Variants in LTA4H observed in about 807,000 individuals in gnomAD.
LTA4H encodes the protein leukotriene A-4 hydrolase.
A neutral mutation model predicts 89.8 loss-of-function variants in LTA4H; 59 were observed. That is an observed-to-expected ratio of 0.66 (90% CI 0.53 to 0.82). The LOEUF (loss-of-function observed/expected upper bound fraction) is 0.82, where lower values mean the gene tolerates loss of function less well. Among genes scored for constraint, LTA4H ranks in the 40% least tolerant of loss-of-function variants. The pLI, the probability that LTA4H is intolerant of heterozygous loss-of-function variation, is 0.00. For missense variants in LTA4H, 617 were observed against 727.0 expected (o/e 0.85, Z 1.74); for synonymous variants, 227 against 253.1 (o/e 0.90, Z 0.98).
exon 1 of LTA4H, chr12:96,043,485 T>G (rs927388450): frequency 1.5e-6 from 1 of 678,344 alleles, no homozygotes. Context: ...CATGCGCCTG[T>G]AGTCCCAGCT....
At chr12:96,039,568 A>T (rs1950672868), upstream of LTA4H, among the ~76,000 whole-genome samples, 1 of 152,218 alleles carries the variant, frequency 6.6e-6, no homozygotes, top group Non-Finnish European at 1.5e-5. Flanking sequence ...GTCTATTTTA[A>T]CCACTGTAAT....
intron 1 of LTA4H, among the ~76,000 whole-genome samples, chr12:96,034,302 A>G (rs1228987582): frequency 6.6e-6 from 1 of 152,210 alleles, no homozygotes; most frequent in African/African-American, 2.4e-5. Context: ...ATGATCTTCT[A>G]TGAAATTCTT....
chr12:96,031,884 T>C lies in LTA4H; in HGVS notation c.160-2699A>G, dbSNP rs188252764. Among the ~76,000 whole-genome samples, 473 of 152,366 alleles carry C rather than the reference T, an allele frequency of 3.1e-3. 13 individuals are homozygous for C. Among genetic ancestry groups the C allele is most frequent in the Non-Finnish European group, 9.7e-4 (66 of 68,032 alleles). On this transcript the variant is annotated intron_variant, in intron 1 of 18. Coordinates refer to ENST00000228740, the MANE Select transcript of LTA4H (RefSeq NM_000895.3). The stretch of plus-strand genomic sequence containing the variant: ...GTTTTTTTAAAAAAAGCTTTATGCC[T>C]CATTATGATGTCTAAATTTACATTT...
At chr12:96,002,849 ATAAACT>A (rs1950127341) in intron 18 of LTA4H, 105 bp downstream of exon 18, 1 of 712,734 alleles carries the variant, frequency 1.4e-6, no homozygotes, top group Non-Finnish European at 2.3e-6. Flanking sequence ...AATTATACTG[ATAAACT>A]TTAACAAATT....
At chr12:96,018,125 G>A (rs1015751541) in intron 8 of LTA4H, among the ~76,000 whole-genome samples, 3 of 151,840 alleles carry the variant, frequency 2.0e-5, no homozygotes, top group Non-Finnish European at 4.4e-5. Context: ...AAGTGTAATT[G>A]GTATAGTCTG....
rs753304100 is a variant in LTA4H at position 96,015,584 on chromosome 12, G to C, written c.1058C>G (p.Ser353Trp). The C allele has an allele frequency of 6.2e-7, 1 of 1,605,422 alleles. No homozygotes were observed. Among genetic ancestry groups the C allele is most frequent in the Non-Finnish European group, 8.5e-7 (1 of 1,173,488 alleles). ...TTTTTAAAACTTTGACTCCTTTACC[G>C]AATTCTGTAGTTCTCCCCATCCTCC... ...ALGGWGELQNSVKTFGETHPF... is the reference protein window; with the variant it reads ...ALGGWGELQNWVKTFGETHPF... Residue 353 changes from serine to tryptophan, a missense_variant and splice_region_variant, in exon 11 of 19, where the codon TCG (serine) becomes TGG (tryptophan). Around this residue, in one of 3 missense-constraint regions of LTA4H, gnomAD observed 290 missense variants for 339.1 expected, o/e 0.86. Transcript: ENST00000228740.
intron 10 of LTA4H, among the ~76,000 whole-genome samples, chr12:96,016,819 T>A (rs1163499473): frequency 6.6e-6 from 1 of 151,180 alleles, no homozygotes; most frequent in Non-Finnish European, 1.5e-5. Flanking sequence ...AAGAATCACT[T>A]GAACCTGGGA....
In LTA4H at chr12:96,017,508, G is replaced by A. The variant is rs756383168; in HGVS notation, c.876+49C>T. On this transcript the variant is annotated intron_variant, in intron 9 of 18. Transcript: ENST00000228740. ...TACAAGGGATATTTTAAAATCAGTTGACGTAATACTTCTTGAAGGTAAGGC... is the reference window on the plus strand; with the variant it reads ...TACAAGGGATATTTTAAAATCAGTTAACGTAATACTTCTTGAAGGTAAGGC... 5.3e-6 allele frequency: 8 copies of A among 1,499,222 alleles called. No homozygotes were observed. The South Asian group carries it at 9.3e-5, about 17-fold the overall frequency. The allele number at this position is 1,499,222 out of a possible 1,614,324, so 92.9% of individuals were successfully genotyped here.
At chr12:96,029,950 C>T (rs900142138) in intron 1 of LTA4H, among the ~76,000 whole-genome samples, 1 of 152,158 alleles carries the variant, frequency 6.6e-6, no homozygotes, top group African/African-American at 2.4e-5. Context: ...TTTCCTCCTT[C>T]CTTCCTTAAA....
chr12:96,007,109 C>T (rs1950214668), intron 15 of LTA4H, among the ~76,000 whole-genome samples: 1 of 152,048 alleles, frequency 6.6e-6, no homozygotes, highest in Non-Finnish European at 1.5e-5. Flanking sequence ...GGATCTGCTC[C>T]CTGTCTCCAA....
chr12:96,034,201 C>T (rs1041684508), intron 1 of LTA4H, among the ~76,000 whole-genome samples: 1 of 152,154 alleles, frequency 6.6e-6, no homozygotes, highest in African/African-American at 2.4e-5. Context: ...TAGATTTCAC[C>T]ATGCTACACT....
chr12:96,001,541 T>C (rs149163871), intron 18 of LTA4H, among the ~76,000 whole-genome samples: 1,607 of 152,246 alleles, frequency 0.011, 26 homozygotes, highest in African/African-American at 0.036. Context: ...TATGTGAGAG[T>C]GAGCCTCAAA....
At chr12:96,042,272 T>A (rs558381222) in intron 1 of LTA4H, among the ~76,000 whole-genome samples, 1 of 152,302 alleles carries the variant, frequency 6.6e-6, no homozygotes, top group East Asian at 1.9e-4. Flanking sequence ...CAGAAAGTGC[T>A]GGTATGGCAG....
Position 96,022,310 on chromosome 12 carries a change from C to T in LTA4H, c.481-59G>A. ...ATAAAAGCTTCTATGTGTCTTAAAC[C>T]ATATATGTAAAATAACCTTTTCTTC... On this transcript the variant is annotated intron_variant, in intron 4 of 18. Coordinates refer to ENST00000228740, the MANE Select transcript of LTA4H (RefSeq NM_000895.3). The surrounding 1 kb of genome is among the most constrained non-coding windows in gnomAD (Gnocchi z 4.0). 1 of 1,104,850 alleles carries T rather than the reference C, an allele frequency of 9.1e-7. No individual in the cohort carries two copies. The highest frequency in any genetic ancestry group is 2.1e-5 in the Admixed American group (1 of 48,544). 68.4% of individuals were successfully genotyped at this position (1,104,850 alleles called of 1,614,324 possible).
Position 96,013,834 on chromosome 12 carries a change from T to A in LTA4H, c.1224A>T (p.Leu408Phe), listed in dbSNP as rs1950339466. The A allele has an allele frequency of 6.6e-7, 1 of 1,520,738 alleles. No homozygotes were observed. The highest frequency in any genetic ancestry group is 1.2e-5 in the South Asian group (1 of 86,138). The allele number at this position is 1,520,738 out of a possible 1,614,324, so 94.2% of individuals were successfully genotyped here. A position where few individuals can be genotyped will look rare whatever the true frequency, so the allele number is the denominator to read the frequency against. The change falls in exon 13 of 19, where the codon TTA (leucine) becomes TTT (phenylalanine). Residue 408 changes from leucine (L) to phenylalanine (F), a missense_variant. Physicochemically the swap from Leu to Phe is conservative, Grantham distance 22. Transcript: ENST00000228740. ...LGGPEIFLGFLKAYVEKFSYK... is the reference protein window; with the variant it reads ...LGGPEIFLGFFKAYVEKFSYK... ...AGGAAAACTTCTCAACATAAGCTTT[T>A]AAGAATCCTAGGAAAATCTCTAAGA...
intron 6 of LTA4H, among the ~76,000 whole-genome samples, chr12:96,020,231 G>A (rs1444131861): frequency 1.3e-5 from 2 of 152,004 alleles, no homozygotes; most frequent in Non-Finnish European, 2.9e-5. Flanking sequence ...AACAGGAATG[G>A]GTATAAACTT....
intron 11 of LTA4H, chr12:96,015,320 G>A (rs897820697): frequency 3.3e-5 from 17 of 509,992 alleles, no homozygotes; most frequent in African/African-American, 3.1e-4. Flanking sequence ...CAAATAAGAT[G>A]CAAACATAGT....
At chr12:96,031,676 A>G (rs1950575188) in intron 1 of LTA4H, among the ~76,000 whole-genome samples, 1 of 152,120 alleles carries the variant, frequency 6.6e-6, no homozygotes, top group Non-Finnish European at 1.5e-5. Flanking sequence ...TTTTTTGCAC[A>G]GGCTGGTAGG....
At chr12:96,009,357 G>C (rs1950259243) in intron 14 of LTA4H, 2 of 539,608 alleles carry the variant, frequency 3.7e-6, no homozygotes, top group Non-Finnish European at 6.6e-6. Flanking sequence ...CCACATTAAT[G>C]AAACACCCAT....
Sources: allele counts gnomAD v4.1 joint callset (sites outside exome capture counted in the v4.1 genomes callset), GRCh38; gene constraint gnomAD v4.1.1; regional missense constraint gnomAD v4.1.1; non-coding constraint Gnocchi (gnomAD v3.1); transcripts MANE v1.5; gene names NCBI Gene and HGNC (gene_info 2026-07-23, HGNC 2026-07-21).